Variants in CDC42SE2 observed in about 807,000 individuals in gnomAD.
CDC42SE2 encodes CDC42 small effector protein 2.
CDC42SE2 carries 3 observed loss-of-function variants against 11.5 expected under a neutral mutation model. The ratio of observed to expected loss-of-function variants is 0.26; its 90% CI spans 0.12 to 0.67. CDC42SE2 has a LOEUF of 0.67. CDC42SE2 is among the 30% of genes least tolerant of loss of function. The probability of loss-of-function intolerance (pLI) is 0.80; values close to 1 mark genes in which losing one functional copy is unlikely to be tolerated. For missense variants in CDC42SE2, 82 were observed against 106.8 expected, an observed-to-expected ratio of 0.77 and a Z score of 1.02; for synonymous variants, 33 against 34.8, an observed-to-expected ratio of 0.95 and a Z score of 0.18.
chr5:131,353,877 A>G (rs894980324), intron 2 of CDC42SE2, among the ~76,000 whole-genome samples: 2 of 151,626 alleles, frequency 1.3e-5, no homozygotes, highest in African/African-American at 4.8e-5. Flanking sequence ...GTGCCACTGC[A>G]CTCTGGCCTC....
intron 2 of CDC42SE2, among the ~76,000 whole-genome samples, chr5:131,351,490 G>A (rs1759009762): frequency 1.3e-5 from 2 of 152,146 alleles, no homozygotes; most frequent in South Asian, 4.1e-4. Context: ...TCCTGACCTT[G>A]TGATCCGCCC....
At chr5:131,385,474 T>C in intron 3 of CDC42SE2, 69 bp from the exon 4 acceptor site, 1 of 1,088,522 alleles carries the variant, frequency 9.2e-7, no homozygotes, top group Non-Finnish European at 1.4e-6. Context: ...ACAGTCATAG[T>C]ATAAAAATCC....
intron 2 of CDC42SE2, among the ~76,000 whole-genome samples, chr5:131,357,990 C>T (rs555014508): frequency 2.0e-5 from 3 of 152,324 alleles, no homozygotes; most frequent in South Asian, 2.1e-4. Flanking sequence ...CCACATTTAA[C>T]GGATTTTCCT....
At chr5:131,345,759 G>T (rs981326198) in intron 2 of CDC42SE2, among the ~76,000 whole-genome samples, 2 of 152,178 alleles carry the variant, frequency 1.3e-5, no homozygotes, top group African/African-American at 4.8e-5. Context: ...GAAAGGTCGG[G>T]TTACCCACAA....
intron 2 of CDC42SE2, among the ~76,000 whole-genome samples, chr5:131,340,831 C>T (rs1758695070): frequency 6.6e-6 from 1 of 152,046 alleles, no homozygotes; most frequent in Non-Finnish European, 1.5e-5. Flanking sequence ...GCATGTACCA[C>T]CATGTCTGGT....
intron 1 of CDC42SE2, among the ~76,000 whole-genome samples, chr5:131,298,459 C>G (rs1757618034): frequency 6.6e-6 from 1 of 151,096 alleles, no homozygotes; most frequent in Non-Finnish European, 1.5e-5. Flanking sequence ...ACCATAGAAT[C>G]TTAGAATTGA....
intron 3 of CDC42SE2, among the ~76,000 whole-genome samples, chr5:131,364,962 A>G (rs571802971): frequency 9.2e-4 from 140 of 152,236 alleles, no homozygotes; most frequent in African/African-American, 3.3e-3. Context: ...TTAGACAGCT[A>G]AGGATTGCTA....
intron 2 of CDC42SE2, among the ~76,000 whole-genome samples, chr5:131,331,915 G>T (rs953127991): frequency 6.6e-6 from 1 of 151,950 alleles, no homozygotes; most frequent in African/African-American, 2.4e-5. Context: ...CTCCAATATT[G>T]TTCACGATTC....
At chr5:131,263,099 A>ATT (rs370938077), upstream of CDC42SE2, among the ~76,000 whole-genome samples, 77 of 137,760 alleles carry the variant, frequency 5.6e-4, no homozygotes, top group African/African-American at 1.3e-3. Context: ...CACCAGGGTA[A>ATT]TTTTTTTTTT....
intron 1 of CDC42SE2, among the ~76,000 whole-genome samples, chr5:131,312,650 T>G (rs1394932922): frequency 6.6e-6 from 1 of 152,154 alleles, no homozygotes; most frequent in Non-Finnish European, 1.5e-5. Context: ...TGGTGCGCTG[T>G]TTTTTAAGCC....
intron 2 of CDC42SE2, among the ~76,000 whole-genome samples, chr5:131,338,631 A>G (rs1342329062): frequency 6.6e-6 from 1 of 152,206 alleles, no homozygotes; most frequent in East Asian, 1.9e-4. Context: ...TCTTTGAGAA[A>G]ATACTACCAT....
At chr5:131,247,261 A>C (rs576062452) in intron 1 of CDC42SE2, among the ~76,000 whole-genome samples, 7 of 152,236 alleles carry the variant, frequency 4.6e-5, no homozygotes, top group Non-Finnish European at 7.3e-5. Context: ...TTAATATTAG[A>C]AAATGTATGT....
At chr5:131,346,985 C>A (rs1334760022) in intron 2 of CDC42SE2, among the ~76,000 whole-genome samples, 1 of 152,076 alleles carries the variant, frequency 6.6e-6, no homozygotes, top group East Asian at 1.9e-4. Context: ...ATCTCCGGGA[C>A]ACATTTAAAG....
At chr5:131,280,422 A>G (rs1471806445) in intron 1 of CDC42SE2, among the ~76,000 whole-genome samples, 3 of 152,208 alleles carry the variant, frequency 2.0e-5, no homozygotes, top group Non-Finnish European at 4.4e-5. Context: ...TTTAACGAAT[A>G]TTATCATAAA....
chr5:131,366,273 A>C (rs1749853426), intron 3 of CDC42SE2, among the ~76,000 whole-genome samples: 1 of 152,210 alleles, frequency 6.6e-6, no homozygotes, highest in Non-Finnish European at 1.5e-5. Context: ...TTGAAAACAA[A>C]CTAGAAAGGC....
intron 2 of CDC42SE2, among the ~76,000 whole-genome samples, chr5:131,342,790 G>C (rs1758744094): frequency 6.6e-6 from 1 of 151,890 alleles, no homozygotes; most frequent in Non-Finnish European, 1.5e-5. Context: ...TTGGCTCACT[G>C]CAACCTCCGC....
chr5:131,244,249 T>C (rs80073701), upstream of CDC42SE2, among the ~76,000 whole-genome samples: 549 of 152,304 alleles, frequency 3.6e-3, 1 homozygote, highest in African/African-American at 0.013. Flanking sequence ...ATAATCATAG[T>C]GGGTGATATG....
intron 2 of CDC42SE2, among the ~76,000 whole-genome samples, chr5:131,323,547 GTTTTTT>G (rs1171213231): frequency 1.8e-4 from 15 of 82,542 alleles, no homozygotes; most frequent in Non-Finnish European, 2.3e-4. Context: ...TCTCTCTCTG[GTTTTTT>G]TTTTTTTTTT....
At chr5:131,244,965 C>T (rs1276743152), upstream of CDC42SE2, among the ~76,000 whole-genome samples, 1 of 152,060 alleles carries the variant, frequency 6.6e-6, no homozygotes, top group East Asian at 1.9e-4. Context: ...CTGAAGTATA[C>T]AAAGAAAATG....
Sources: gnomAD v4.1 joint callset for allele counts (sites outside exome capture counted in the v4.1 genomes callset) on GRCh38, gnomAD v4.1.1 for gene constraint, MANE v1.5 for transcripts, NCBI Gene and HGNC (gene_info 2026-07-23, HGNC 2026-07-21) for gene names.